PTPRN2: variants seen among roughly 807,000 people sequenced by gnomAD.
PTPRN2 encodes protein tyrosine phosphatase receptor type N2.
A neutral mutation model predicts 118.8 loss-of-function variants in PTPRN2; 74 were observed. The observed-to-expected ratio is 0.62, with a 90% CI of 0.52 to 0.76. The LOEUF is 0.76. PTPRN2 is among the 30% of genes least tolerant of loss of function. The pLI, the probability that PTPRN2 is intolerant of heterozygous loss-of-function variation, is 0.00. For synonymous variants in PTPRN2, 641 were observed against 608.0 expected (o/e 1.05, Z -0.80); for missense variants, 1,481 against 1,394.4 (o/e 1.06, Z -0.99).
intron 11 of PTPRN2, among the ~76,000 whole-genome samples, chr7:157,899,264 C>T (rs1478943883): frequency 6.6e-6 from 1 of 152,202 alleles, no homozygotes; most frequent in African/African-American, 2.4e-5. Context: ...CAATAAAAGC[C>T]TCACCCTGGT....
chr7:158,478,239 G>A (rs1286599844), intron 2 of PTPRN2, among the ~76,000 whole-genome samples: 1 of 152,244 alleles, frequency 6.6e-6, no homozygotes, highest in African/African-American at 2.4e-5. Context: ...GACCCAAACT[G>A]TCCAGAAATC....
rs141258935 is a variant in PTPRN2, at chr7:158,498,237, A to C, written c.113-8452T>G. The stretch of plus-strand genomic sequence containing the variant: ...AACCAGCTCACTCCACCCTGGAAGA[A>C]GGGCAGCGAGCTGGGTACCAGGACA... On this transcript the variant is annotated intron_variant, in intron 1 of 22. Transcript: ENST00000389418. Among the ~76,000 whole-genome samples, 195 of 152,364 alleles carry C rather than the reference A, an allele frequency of 1.3e-3. 2 individuals carry two copies. Among genetic ancestry groups the C allele is most frequent in the African/African-American group, 4.6e-3 (192 of 41,584 alleles).
chr7:158,370,056 C>T (rs1019236713), intron 2 of PTPRN2, among the ~76,000 whole-genome samples: 3 of 152,050 alleles, frequency 2.0e-5, no homozygotes, highest in Non-Finnish European at 4.4e-5. Context: ...TAGCTACAGA[C>T]GATGGGAACG....
At chr7:158,448,662 C>G (rs1817893704) in intron 2 of PTPRN2, among the ~76,000 whole-genome samples, 1 of 152,224 alleles carries the variant, frequency 6.6e-6, no homozygotes, top group Non-Finnish European at 1.5e-5. Context: ...ACCTTAAGGT[C>G]AGAGCTGAAC....
intron 12 of PTPRN2, chr7:157,863,454 G>C (rs1810394739): frequency 6.6e-6 from 1 of 152,188 alleles, no homozygotes; most frequent in African/African-American, 2.4e-5. Context: ...ACTAGCTCGG[G>C]GTGTGAAGTC....
Position 158,544,275 on chromosome 7 carries a change from A to G in PTPRN2, c.112+43283T>C, listed in dbSNP as rs530344251. ...TCTAAAGCAAGCGTATCCAGCCCAC[A>G]GGCCACGGCCCACGAGATGGCTCTG... On this transcript the variant is annotated intron_variant, in intron 1 of 22. Transcript: ENST00000389418. The surrounding 1 kb of genome is among the most constrained non-coding windows in gnomAD (Gnocchi z 4.2). Among the ~76,000 whole-genome samples, 2 of 152,050 alleles carry G rather than the reference A, an allele frequency of 1.3e-5. No individual in the cohort carries two copies. The highest frequency in any genetic ancestry group is 2.9e-5 in the Non-Finnish European group (2 of 68,016).
intron 12 of PTPRN2, among the ~76,000 whole-genome samples, chr7:157,841,560 T>G (rs1808421619): frequency 6.6e-6 from 1 of 152,016 alleles, no homozygotes; most frequent in Admixed American, 6.6e-5. Flanking sequence ...GCAGGGAAAC[T>G]GCCCATTAAG....
intron 11 of PTPRN2, among the ~76,000 whole-genome samples, chr7:157,982,067 G>A (rs1325521996): frequency 4.7e-5 from 7 of 149,084 alleles, no homozygotes; most frequent in Non-Finnish European, 1.5e-5. Flanking sequence ...GATGAGGAGG[G>A]GAATGCAGAG....
intron 12 of PTPRN2, among the ~76,000 whole-genome samples, chr7:157,781,696 C>T (rs1253507084): frequency 6.6e-6 from 1 of 152,228 alleles, no homozygotes; most frequent in Non-Finnish European, 1.5e-5. Context: ...AGGTTGCTTT[C>T]TTGCCCTCAG....
At chr7:158,251,732 G>A (rs917361001) in intron 3 of PTPRN2, among the ~76,000 whole-genome samples, 1 of 151,894 alleles carries the variant, frequency 6.6e-6, no homozygotes, top group Middle Eastern at 3.2e-3. Context: ...CACGTGTGGT[G>A]TGCACAGGTG....
rs192669806 is a variant in PTPRN2, at chr7:158,314,038, C to A, written c.277+2781G>T. 3.9e-5 allele frequency among the ~76,000 whole-genome samples: 6 copies of A among 152,188 alleles called. No homozygotes were observed. In the East Asian group the frequency reaches 1.2e-3, roughly 29 times the overall value. On this transcript the variant is annotated intron_variant, in intron 3 of 22. Transcript: ENST00000389418. ...CCCCGGAGCCCTTGTGGCACTAGCT[C>A]CCATGACAAGGGAGCTCAGGTGAAC...
At chr7:157,921,609 G>A (rs1165940471) in intron 11 of PTPRN2, among the ~76,000 whole-genome samples, 1 of 152,148 alleles carries the variant, frequency 6.6e-6, no homozygotes, top group Non-Finnish European at 1.5e-5. Flanking sequence ...GTGGGCTGCC[G>A]CAGGCAGGGA....
At chr7:158,067,813 G>A (rs1035347232) in intron 11 of PTPRN2, among the ~76,000 whole-genome samples, 2 of 151,800 alleles carry the variant, frequency 1.3e-5, no homozygotes, top group African/African-American at 2.4e-5. Flanking sequence ...GGGTCAGGCT[G>A]GGCCGTGGGC....
intron 11 of PTPRN2, among the ~76,000 whole-genome samples, chr7:158,070,620 A>G (rs1811231855): frequency 1.2e-5 from 1 of 83,972 alleles, no homozygotes; most frequent in African/African-American, 5.7e-5. Flanking sequence ...CTGGTGGTGG[A>G]GGTGCCCCTG....
intron 12 of PTPRN2, among the ~76,000 whole-genome samples, chr7:157,824,560 C>T (rs936611337): frequency 3.3e-5 from 5 of 152,160 alleles, no homozygotes; most frequent in Non-Finnish European, 5.9e-5. Context: ...CGGAAGAACT[C>T]GGTAGGAACT....
At chr7:157,998,460 G>A (rs548233072) in intron 11 of PTPRN2, among the ~76,000 whole-genome samples, 4 of 152,308 alleles carry the variant, frequency 2.6e-5, no homozygotes, top group Admixed American at 6.5e-5. Flanking sequence ...AGAGGAGCCC[G>A]TGTCCAGCCT....
chr7:157,849,714 T>G (rs1385335504), intron 12 of PTPRN2, among the ~76,000 whole-genome samples: 9 of 152,308 alleles, frequency 5.9e-5, no homozygotes, highest in Admixed American at 4.6e-4. Flanking sequence ...TAGGATCCAC[T>G]ATCCAGGTGG....
chr7:158,450,736 C>A (rs1818043314), intron 2 of PTPRN2, among the ~76,000 whole-genome samples: 1 of 152,240 alleles, frequency 6.6e-6, no homozygotes, highest in Admixed American at 6.5e-5. Flanking sequence ...AAATAATCTT[C>A]CTCTCCTCCA....
intron 12 of PTPRN2, among the ~76,000 whole-genome samples, chr7:157,687,222 T>C (rs541165727): frequency 6.6e-6 from 1 of 152,336 alleles, no homozygotes; most frequent in South Asian, 2.1e-4. Flanking sequence ...AGAACTTTTT[T>C]AGCTGTCCAT....
Sources: gnomAD v4.1 joint callset for allele counts (sites outside exome capture counted in the v4.1 genomes callset) on GRCh38, gnomAD v4.1.1 for gene constraint, Gnocchi (gnomAD v3.1) non-coding constraint, MANE v1.5 for transcripts, NCBI Gene and HGNC (gene_info 2026-07-23, HGNC 2026-07-21) for gene names.